Variants in FREM1 observed in about 807,000 individuals in gnomAD.
FREM1 encodes FRAS1 related extracellular matrix 1, also known as FRAS1-related extracellular matrix protein 1.
FREM1 carries 220 observed loss-of-function variants against 210.1 expected under a neutral mutation model. That is an observed-to-expected ratio of 1.05 (90% CI 0.94 to 1.17). The LOEUF (loss-of-function observed/expected upper bound fraction) is 1.17, where lower values mean the gene tolerates loss of function less well. Ranked by LOEUF, FREM1 falls within the 50% of genes most tolerant of loss-of-function variation. The pLI is 0.00. For missense variants in FREM1, 3,454 were observed against 2,675.5 expected (o/e 1.29, Z -6.42); for synonymous variants, 1,189 against 980.2 (o/e 1.21, Z -3.98).
intron 1 of FREM1, among the ~76,000 whole-genome samples, chr9:14,901,992 G>C (rs1281763070): frequency 6.6e-6 from 1 of 151,786 alleles, no homozygotes; most frequent in Non-Finnish European, 1.5e-5. Flanking sequence ...TGGGACTACA[G>C]GCATCTGTCG....
chr9:14,795,952 A>C (rs560481264), intron 21 of FREM1, among the ~76,000 whole-genome samples: 2 of 152,320 alleles, frequency 1.3e-5, no homozygotes, highest in East Asian at 1.9e-4. Flanking sequence ...GTACTGTAAT[A>C]CTATGACAGC....
rs751181970 is a variant in FREM1 at position 14,784,564 on chromosome 9, C to T, written c.4248G>A (p.Thr1416=). 6.3e-5 allele frequency: 101 copies of T among 1,612,266 alleles called. No individual in the cohort carries two copies. Among genetic ancestry groups the T allele is most frequent in the Non-Finnish European group, 7.9e-5 (93 of 1,179,206 alleles). The change falls in exon 24 of 37, where the codon ACG becomes ACA. Residue 1416 remains threonine, a synonymous_variant. Transcript: ENST00000380880. ...KGDRGFLTTT[T]LLAVDGTDKP... ...TGTCTGTTCCGTCCACAGCCAGGAGCGTGGTGGTTGTTAAGAAACCTCTAT... is the reference window on the plus strand; with the variant it reads ...TGTCTGTTCCGTCCACAGCCAGGAGTGTGGTGGTTGTTAAGAAACCTCTAT...
rs372532727 is a variant in FREM1 at position 14,876,085 on chromosome 9, A to G, written c.-267-6841T>C. Among the ~76,000 whole-genome samples, 433 of 150,942 alleles carry G rather than the reference A, an allele frequency of 2.9e-3. 2 individuals are homozygous for G. The highest frequency in any genetic ancestry group is 0.01 in the Middle Eastern group (3 of 292). On this transcript the variant is annotated intron_variant, in intron 1 of 36. Transcript: ENST00000380880. ...CCGTGTGAGGTGTCAGTCTGCCCCTACTGGGGGGTGCCTCCCAGTTAGGCT... is the reference window on the plus strand; with the variant it reads ...CCGTGTGAGGTGTCAGTCTGCCCCTGCTGGGGGGTGCCTCCCAGTTAGGCT...
rs957815287 is a variant in FREM1 at position 14,747,686 on chromosome 9, AGAT to A, written c.5836_5838del (p.Ile1946del). The A allele has an allele frequency of 3.9e-6, 6 of 1,529,622 alleles. No homozygotes were observed. The highest frequency in any genetic ancestry group is 4.4e-6 in the Non-Finnish European group (5 of 1,132,124). 94.8% of individuals were successfully genotyped at this position (1,529,622 alleles called of 1,614,324 possible). A position where few individuals can be genotyped will look rare whatever the true frequency, so the allele number is the denominator to read the frequency against. The stretch of plus-strand genomic sequence containing the variant: ...AATTCTGTGACTACACTTACATTAT[AGAT>A]GATGTCTGTTCCATTTCTATAAACA... On this transcript the variant is annotated inframe_deletion, in exon 32 of 37. Transcript: ENST00000380880.
At chr9:14,880,323 G>A (rs773768025) in intron 1 of FREM1, among the ~76,000 whole-genome samples, 1 of 152,102 alleles carries the variant, frequency 6.6e-6, no homozygotes, top group African/African-American at 2.4e-5. Flanking sequence ...GCAACAACAG[G>A]TCAGGTGCAG....
At chr9:14,779,699 C>T (rs1849333081) in intron 24 of FREM1, among the ~76,000 whole-genome samples, 1 of 152,178 alleles carries the variant, frequency 6.6e-6, no homozygotes. Context: ...ACGTTGGAAA[C>T]AGGCAGCCTG....
chr9:14,874,894 C>A (rs1467860806), intron 1 of FREM1, among the ~76,000 whole-genome samples: 1 of 152,134 alleles, frequency 6.6e-6, no homozygotes, highest in Non-Finnish European at 1.5e-5. Context: ...ATTTGCTTGT[C>A]TGTAAAGTGT....
At chr9:14,884,259 C>A (rs1297623824) in intron 1 of FREM1, among the ~76,000 whole-genome samples, 2 of 152,010 alleles carry the variant, frequency 1.3e-5, no homozygotes, top group African/African-American at 2.4e-5. Context: ...AGAAAAAAAA[C>A]AAGAAACAAA....
chr9:14,748,954 T>C (rs1842901885), intron 30 of FREM1, among the ~76,000 whole-genome samples: 1 of 152,212 alleles, frequency 6.6e-6, no homozygotes, highest in South Asian at 2.1e-4. Context: ...TCTCTTATTA[T>C]AGTATTCCCC....
At chr9:14,815,148 C>G (rs1820077057) in intron 15 of FREM1, among the ~76,000 whole-genome samples, 1 of 152,166 alleles carries the variant, frequency 6.6e-6, no homozygotes, top group African/African-American at 2.4e-5. Flanking sequence ...TGCACAGGAA[C>G]TACTGGCCAG....
intron 1 of FREM1, among the ~76,000 whole-genome samples, chr9:14,906,316 G>T (rs777070732): frequency 6.6e-6 from 1 of 152,102 alleles, no homozygotes; most frequent in African/African-American, 2.4e-5. Flanking sequence ...GCACCTCTCT[G>T]ATTTAACATT....
At chr9:14,793,071 A>G (rs767460021) in intron 21 of FREM1, among the ~76,000 whole-genome samples, 187 bp from the exon 22 acceptor site, 2 of 152,254 alleles carry the variant, frequency 1.3e-5, no homozygotes, top group Non-Finnish European at 2.9e-5. Flanking sequence ...TGAAAGTCTG[A>G]AAAGACAATG....
chr9:14,900,358 C>T (rs4740593), intron 1 of FREM1, among the ~76,000 whole-genome samples: 38,984 of 152,198 alleles, frequency 0.26, 6,105 homozygotes, highest in Middle Eastern at 0.44. Flanking sequence ...TTAATAACTG[C>T]ATTTTATCTT....
At chr9:14,768,653 T>C (rs16932275) in intron 27 of FREM1, among the ~76,000 whole-genome samples, 11,423 of 152,106 alleles carry the variant, frequency 0.075, 706 homozygotes, top group African/African-American at 0.16. Context: ...ACGCTGGGAA[T>C]GTGTTTTGCT....
intron 9 of FREM1, among the ~76,000 whole-genome samples, chr9:14,841,815 T>C (rs542219815): frequency 6.6e-6 from 1 of 152,110 alleles, no homozygotes. Context: ...TATGGAAAAA[T>C]TAGCATTAGA....
At chr9:14,850,127 G>A (rs1827420275) in intron 6 of FREM1, among the ~76,000 whole-genome samples, 1 of 152,150 alleles carries the variant, frequency 6.6e-6, no homozygotes, top group South Asian at 2.1e-4. Context: ...TTTCCACCCT[G>A]TTTGAATCAA....
rs963560424 is a variant in FREM1, at chr9:14,805,005, A to G, written c.3422T>C (p.Ile1141Thr). Reference sequence around the variant, plus strand: ...AGGAGCTTCATCATTTGTGGGGTTGATTATAATAGAAAATGGTATCTCCAA... The same window carrying G: ...AGGAGCTTCATCATTTGTGGGGTTGGTTATAATAGAAAATGGTATCTCCAA... ...HSLEIPFSII[I>T]NPTNDEAPDF... is the part of the protein sequence containing the mutation. The change falls in exon 19 of 37, where the codon ATC (isoleucine) becomes ACC (threonine). Residue 1141 changes from isoleucine to threonine, a missense_variant. By Grantham distance (89) the Ile-to-Thr change is moderately conservative. Coordinates refer to ENST00000380880, the MANE Select transcript of FREM1 (RefSeq NM_001379081.2). The G allele has an allele frequency of 5.0e-6, 8 of 1,613,806 alleles. No individual in the cohort carries two copies. Among genetic ancestry groups the G allele is most frequent in the Middle Eastern group, 3.3e-4 (2 of 6,062 alleles).
chr9:14,737,827 T>G (rs1840677607), intron 36 of FREM1, among the ~76,000 whole-genome samples: 4 of 152,172 alleles, frequency 2.6e-5, no homozygotes, highest in Admixed American at 2.6e-4. Flanking sequence ...TTACTTAACC[T>G]CTCTGAGTTT....
rs72713630 is a variant in FREM1, at chr9:14,893,417, A to T, written c.-268+16497T>A. Among the ~76,000 whole-genome samples, 203 of 152,314 alleles carry T rather than the reference A, an allele frequency of 1.3e-3. 1 individual carries two copies. Among genetic ancestry groups the T allele is most frequent in the Non-Finnish European group, 2.1e-3 (142 of 68,026 alleles). ...GACAGTCCAGCAAAACTGGTCAGTT[A>T]TGTCCTTGGGAGCTTGATCTTGTAA... On this transcript the variant is annotated intron_variant, in intron 1 of 36. Coordinates refer to ENST00000380880, the MANE Select transcript of FREM1 (RefSeq NM_001379081.2).
Sources: allele counts gnomAD v4.1 joint callset (sites outside exome capture counted in the v4.1 genomes callset), GRCh38; gene constraint gnomAD v4.1.1; transcripts MANE v1.5; gene names NCBI Gene and HGNC (gene_info 2026-07-23, HGNC 2026-07-21).